The following KREMEN1 variants were observed in gnomAD, a reference collection of about 807,000 sequenced individuals.
The protein encoded by KREMEN1 is kringle containing transmembrane protein 1.
Under a neutral mutation model 46.5 loss-of-function variants are expected in KREMEN1, and 30 were observed. The ratio of observed to expected loss-of-function variants is 0.65; its 90% confidence interval spans 0.48 to 0.88. KREMEN1 has a LOEUF of 0.88. Among genes scored for constraint, KREMEN1 ranks in the 40% least tolerant of loss-of-function variants. The pLI is 0.00. For synonymous variants in KREMEN1, 214 were observed against 230.6 expected, an observed-to-expected ratio of 0.93 and a Z score of 0.65; for missense variants, 533 against 596.9, an observed-to-expected ratio of 0.89 and a Z score of 1.11.
At chr22:29,132,290 T>C (rs1046519851) in intron 5 of KREMEN1, among the ~76,000 whole-genome samples, 1 of 152,204 alleles carries the variant, frequency 6.6e-6, no homozygotes, top group Non-Finnish European at 1.5e-5. Context: ...TATTCACCAA[T>C]TGACAAACAT....
Position 29,144,565 on chromosome 22 carries a change from C to A in KREMEN1, c.*2453C>A. 1 of 985,570 alleles carries A rather than the reference C, an allele frequency of 1.0e-6. No individual in the cohort carries two copies. The highest frequency in any genetic ancestry group is 1.2e-6 in the Non-Finnish European group (1 of 829,994). 61.1% of individuals were successfully genotyped at this position (985,570 alleles called of 1,614,324 possible). ...ACCGCTGGAAACATACCAACACGTG[C>A]AGTCTCCCCTCCAAGCTATTCATGC... is the stretch of plus-strand genomic sequence containing the variant. On this transcript the variant is annotated 3_prime_UTR_variant, in exon 9 of 9. Coordinates refer to ENST00000400335, the MANE Select transcript of KREMEN1 (RefSeq NM_001039570.3).
At chr22:29,160,742 A>T (rs2039003710) in intron 9 of KREMEN1, among the ~76,000 whole-genome samples, 1 of 152,208 alleles carries the variant, frequency 6.6e-6, no homozygotes, top group Non-Finnish European at 1.5e-5. Context: ...TGTTAAGAGG[A>T]AAGCTGATGG....
chr22:29,096,739 T>C (rs1447106161), intron 2 of KREMEN1, among the ~76,000 whole-genome samples: 2 of 151,808 alleles, frequency 1.3e-5, no homozygotes, highest in African/African-American at 2.4e-5. Context: ...TTCAATATGG[T>C]TTTGACATTG....
At chr22:29,140,224 C>G in intron 7 of KREMEN1, 58 bp from the exon 8 acceptor site, 2 of 1,393,722 alleles carry the variant, frequency 1.4e-6, no homozygotes, top group Non-Finnish European at 2.0e-6. Flanking sequence ...TCCAGCCGAC[C>G]TCCTTTCGAA....
At chr22:29,158,405 G>A (rs935191020) in intron 9 of KREMEN1, among the ~76,000 whole-genome samples, 1 of 152,186 alleles carries the variant, frequency 6.6e-6, no homozygotes, top group Non-Finnish European at 1.5e-5. Flanking sequence ...GGGCACTGGG[G>A]AAGGAAAAGG....
At chr22:29,159,837 C>G (rs183822561) in intron 9 of KREMEN1, among the ~76,000 whole-genome samples, 1 of 152,046 alleles carries the variant, frequency 6.6e-6, no homozygotes, top group East Asian at 1.9e-4. Context: ...ATGGGGACAT[C>G]AGATTAAAGC....
downstream of KREMEN1, among the ~76,000 whole-genome samples, chr22:29,149,070 C>T (rs1176982575): frequency 1.3e-5 from 2 of 152,134 alleles, no homozygotes; most frequent in Non-Finnish European, 1.5e-5. Context: ...ACATGGAGTC[C>T]GTGCCCTTCA....
Position 29,162,471 on chromosome 22 carries a change from C to A in KREMEN1, c.1417-4573C>A, listed in dbSNP as rs529976600. ...GTGGCTCACACCTATAATCCCAGCA[C>A]TCTGGGAGGCTGAGGCAAGTGGATG... is the stretch of plus-strand genomic sequence containing the variant. On this transcript the variant is annotated intron_variant, in intron 9 of 9. Coordinates refer to the KREMEN1 transcript ENST00000327813. 1.7e-4 allele frequency among the ~76,000 whole-genome samples: 26 copies of A among 152,252 alleles called. No individual in the cohort carries two copies. The South Asian group carries it at 3.5e-3, about 21-fold the overall frequency.
chr22:29,129,241 G>A (rs2038495060), intron 5 of KREMEN1, among the ~76,000 whole-genome samples: 1 of 152,088 alleles, frequency 6.6e-6, no homozygotes, highest in African/African-American at 2.4e-5. Context: ...ATTCTAGGCT[G>A]GAGGCTGAGG....
intron 9 of KREMEN1, among the ~76,000 whole-genome samples, chr22:29,164,453 T>TC (rs2039036503): frequency 6.6e-6 from 1 of 152,200 alleles, no homozygotes; most frequent in Admixed American, 6.5e-5. Flanking sequence ...GCATTTGTCA[T>TC]CCTTTGCCAT....
rs540666426 is a variant in KREMEN1 at position 29,140,638 on chromosome 22, C to T, written c.1208+272C>T. 2.0e-5 allele frequency among the ~76,000 whole-genome samples: 3 copies of T among 151,942 alleles called. No individual in the cohort carries two copies. The South Asian group carries it at 6.2e-4, about 31-fold the overall frequency. On this transcript the variant is annotated intron_variant, in intron 8 of 8. Coordinates refer to ENST00000400335, the MANE Select transcript of KREMEN1 (RefSeq NM_001039570.3). The stretch of plus-strand genomic sequence containing the variant: ...ATTGCAACATTCCTGGCTTAAAAAG[C>T]AAATGTGCTAGTCCCTTACGGAGAT...
At chr22:29,125,131 G>A in intron 4 of KREMEN1, 132 bp from the exon 5 acceptor site, 1 of 860,166 alleles carries the variant, frequency 1.2e-6, no homozygotes, top group Non-Finnish European at 1.9e-6. Flanking sequence ...TGGAAGAAGG[G>A]GGAGGTCCCA....
intron 1 of KREMEN1, among the ~76,000 whole-genome samples, chr22:29,075,057 G>T (rs1200204651): frequency 6.6e-6 from 1 of 152,158 alleles, no homozygotes; most frequent in Admixed American, 6.5e-5. Flanking sequence ...TAGTAGAACT[G>T]GGGTCTCCAA....
intron 3 of KREMEN1, among the ~76,000 whole-genome samples, chr22:29,102,160 C>T (rs1390652711): frequency 6.6e-6 from 1 of 152,126 alleles, no homozygotes; most frequent in Non-Finnish European, 1.5e-5. Context: ...GGTCAGGAGT[C>T]TTGTGTATGG....
intron 9 of KREMEN1, among the ~76,000 whole-genome samples, chr22:29,165,040 G>A (rs557506342): frequency 1.3e-5 from 2 of 152,232 alleles, no homozygotes; most frequent in African/African-American, 4.8e-5. Flanking sequence ...GGGCATGGTG[G>A]TGCGTGCCTG....
chr22:29,120,486 A>G (rs2038332593), intron 3 of KREMEN1, among the ~76,000 whole-genome samples: 2 of 103,828 alleles, frequency 1.9e-5, no homozygotes, highest in African/African-American at 8.0e-5. Flanking sequence ...AACAGGGAGG[A>G]AGGAGAGGTG....
chr22:29,141,831 A>G (rs953610901), intron 8 of KREMEN1, 113 bp from the exon 9 acceptor site: 3 of 730,234 alleles, frequency 4.1e-6, no homozygotes, highest in Non-Finnish European at 6.3e-6. Flanking sequence ...GGTGGCTGTG[A>G]GGTCCTTCCC....
chr22:29,087,573 T>G (rs1039220226), intron 1 of KREMEN1, among the ~76,000 whole-genome samples: 1 of 151,280 alleles, frequency 6.6e-6, no homozygotes, highest in African/African-American at 2.4e-5. Context: ...ATGTCAAGTT[T>G]TTTTTTTTTT....
chr22:29,092,611 G>T (rs562924753), intron 1 of KREMEN1, among the ~76,000 whole-genome samples: 5 of 152,228 alleles, frequency 3.3e-5, no homozygotes, highest in East Asian at 3.9e-4. Context: ...CTTGGTAGAG[G>T]GGTTTGGTCC....
Sources: allele counts gnomAD v4.1 joint callset (sites outside exome capture counted in the v4.1 genomes callset), GRCh38; gene constraint gnomAD v4.1.1; transcripts MANE v1.5; gene names NCBI Gene and HGNC (gene_info 2026-07-23, HGNC 2026-07-21).